SEMA3A: variants seen among roughly 807,000 people sequenced by gnomAD.
SEMA3A encodes semaphorin 3A, also known as semaphorin-3A.
Under a neutral mutation model 97.9 loss-of-function variants are expected in SEMA3A, and 29 were observed. That is an observed-to-expected ratio of 0.30 (90% CI 0.22 to 0.40). The LOEUF is 0.40. Ranked by LOEUF, SEMA3A falls within the 10% of genes least tolerant of loss-of-function variation. The pLI is 1.00. For synonymous variants in SEMA3A, 321 were observed against 323.7 expected (o/e 0.99, Z 0.09); for missense variants, 763 against 951.3 (o/e 0.80, Z 2.60).
chr7:84,196,808 T>C (rs564805238), upstream of SEMA3A, among the ~76,000 whole-genome samples: 4 of 152,266 alleles, frequency 2.6e-5, no homozygotes, highest in Admixed American at 2.6e-4. Flanking sequence ...ATATAATTAG[T>C]TTAAATGCTT....
Position 84,340,797 on chromosome 7 carries a change from A to AAAAC in SEMA3A, c.-169+31026_-169+31027insGTTT, listed in dbSNP as rs1554366944. Among the ~76,000 whole-genome samples, 246 of 144,890 alleles carry AAAAC rather than the reference A, an allele frequency of 1.7e-3. 5 individuals are homozygous for AAAAC. Among genetic ancestry groups the AAAAC allele is most frequent in the African/African-American group, 5.3e-3 (204 of 38,830 alleles). On this transcript the variant is annotated intron_variant, in intron 2 of 3. Transcript: ENST00000424555. The stretch of plus-strand genomic sequence containing the variant: ...CTCCATCTCGGAAAAAAAAAAAAAA[A>AAAAC]ATCAAAATAACTATATGTACATCAA...
intron 4 of SEMA3A, among the ~76,000 whole-genome samples, chr7:84,109,492 A>C (rs1261429878): frequency 6.6e-6 from 1 of 152,212 alleles, no homozygotes; most frequent in African/African-American, 2.4e-5. Context: ...TTTCTTACAC[A>C]AAGAAGATAT....
chr7:84,420,997 T>C (rs1804575126), intron 1 of SEMA3A, among the ~76,000 whole-genome samples: 2 of 152,128 alleles, frequency 1.3e-5, no homozygotes, highest in Admixed American at 6.6e-5. Context: ...CCTTCAGTTC[T>C]GCTCTGATCT....
At chr7:84,214,489 G>GAT (rs1175961036) in intron 3 of SEMA3A, among the ~76,000 whole-genome samples, 7 of 152,184 alleles carry the variant, frequency 4.6e-5, no homozygotes, top group African/African-American at 1.7e-4. Flanking sequence ...CACAAAACAT[G>GAT]ATGAGGAAAC....
At chr7:84,234,362 C>T (rs1330955276) in intron 3 of SEMA3A, among the ~76,000 whole-genome samples, 1 of 152,038 alleles carries the variant, frequency 6.6e-6, no homozygotes, top group Non-Finnish European at 1.5e-5. Context: ...TTCTCTTAAT[C>T]CTCACTGCCA....
chr7:84,327,181 A>G (rs1801793453), intron 2 of SEMA3A, among the ~76,000 whole-genome samples: 1 of 152,138 alleles, frequency 6.6e-6, no homozygotes, highest in South Asian at 2.1e-4. Context: ...GATTCACAAT[A>G]TTTTCAGAGA....
chr7:84,403,654 G>A (rs545845382), intron 1 of SEMA3A, among the ~76,000 whole-genome samples: 5 of 152,208 alleles, frequency 3.3e-5, no homozygotes, highest in Non-Finnish European at 5.9e-5. Flanking sequence ...CAGTAGGGGC[G>A]GACTGACACC....
chr7:84,180,334 A>G (rs984914728), intron 1 of SEMA3A, among the ~76,000 whole-genome samples: 1 of 151,914 alleles, frequency 6.6e-6, no homozygotes, highest in Admixed American at 6.6e-5. Flanking sequence ...GGCAATTGGC[A>G]TTTATCTAGC....
intron 12 of SEMA3A, among the ~76,000 whole-genome samples, chr7:83,995,038 G>A (rs6963205): frequency 0.16 from 23,815 of 152,036 alleles, 2,185 homozygotes; most frequent in Non-Finnish European, 0.21. Context: ...TTTTAAGCCC[G>A]TCGGAAAAGT....
chr7:84,041,703 TAA>T (rs1002823199), intron 6 of SEMA3A, among the ~76,000 whole-genome samples: 8 of 152,092 alleles, frequency 5.3e-5, no homozygotes, highest in Non-Finnish European at 1.5e-5. Flanking sequence ...CTATAAAAAC[TAA>T]GAGGACCTTT....
At chr7:84,127,125 G>C (rs959377019) in intron 3 of SEMA3A, among the ~76,000 whole-genome samples, 1 of 151,812 alleles carries the variant, frequency 6.6e-6, no homozygotes, top group Non-Finnish European at 1.5e-5. Context: ...ACTCTAGTCA[G>C]ACTCTCCTGA....
chr7:84,005,696 C>G (rs1341755448), intron 10 of SEMA3A, 138 bp from the exon 11 acceptor site: 6 of 606,840 alleles, frequency 9.9e-6, no homozygotes, highest in Non-Finnish European at 1.6e-5. Context: ...ACCTCTAATC[C>G]TAGCACTTTG....
At chr7:83,985,670 T>C (rs923871441) in intron 12 of SEMA3A, among the ~76,000 whole-genome samples, 193 bp from the exon 13 acceptor site, 3 of 152,166 alleles carry the variant, frequency 2.0e-5, no homozygotes, top group Non-Finnish European at 4.4e-5. Context: ...GGCAATAAGA[T>C]TGTGTCAGTG....
rs190298449 is a variant in SEMA3A at position 83,991,571 on chromosome 7, C to T, written c.1453-6094G>A. 7.8e-4 allele frequency among the ~76,000 whole-genome samples: 119 copies of T among 151,930 alleles called. 1 individual carries two copies. Among genetic ancestry groups the T allele is most frequent in the East Asian group, 3.1e-3 (16 of 5,168 alleles). Reference sequence around the variant, plus strand: ...TCAAAGGCTTTTTCTGCATCTATTGCGATAATCATGTGGTTTTTGCCTTTG... The same window carrying T: ...TCAAAGGCTTTTTCTGCATCTATTGTGATAATCATGTGGTTTTTGCCTTTG... On this transcript the variant is annotated intron_variant, in intron 12 of 16. Transcript: ENST00000265362.
chr7:84,455,293 T>C (rs1378373211), intron 1 of SEMA3A, among the ~76,000 whole-genome samples: 2 of 151,936 alleles, frequency 1.3e-5, no homozygotes, highest in African/African-American at 4.8e-5. Context: ...CACATAAACA[T>C]TGTATAAGTT....
chr7:84,250,848 CT>C (rs1799590105), intron 3 of SEMA3A, among the ~76,000 whole-genome samples: 1 of 151,990 alleles, frequency 6.6e-6, no homozygotes, highest in African/African-American at 2.4e-5. Context: ...TCATCATTTG[CT>C]TAAAAAAATC....
chr7:84,069,219 A>T (rs1793653616), intron 4 of SEMA3A, among the ~76,000 whole-genome samples: 1 of 152,132 alleles, frequency 6.6e-6, no homozygotes, highest in African/African-American at 2.4e-5. Context: ...AATCGGGCAG[A>T]ACTGGGTGTT....
chr7:84,160,189 A>G (rs1584057894), intron 1 of SEMA3A, among the ~76,000 whole-genome samples: 1 of 152,198 alleles, frequency 6.6e-6, no homozygotes, highest in Non-Finnish European at 1.5e-5. Context: ...TTTACTATAG[A>G]CTATTTAGTG....
chr7:84,419,222 T>C (rs1041371899), intron 1 of SEMA3A, among the ~76,000 whole-genome samples: 1 of 152,114 alleles, frequency 6.6e-6, no homozygotes, highest in Non-Finnish European at 1.5e-5. Context: ...TCTATATCCC[T>C]AAGTGACTAA....
Sources: allele counts gnomAD v4.1 joint callset (sites outside exome capture counted in the v4.1 genomes callset), GRCh38; gene constraint gnomAD v4.1.1; transcripts MANE v1.5; gene names NCBI Gene and HGNC (gene_info 2026-07-23, HGNC 2026-07-21).